CAMK4: variants seen among roughly 807,000 people sequenced by gnomAD.
CAMK4 encodes calcium/calmodulin dependent protein kinase IV.
Under a neutral mutation model 44.9 loss-of-function variants are expected in CAMK4, and 22 were observed. That is an observed-to-expected ratio of 0.49 (90% CI 0.35 to 0.70). CAMK4 has a LOEUF of 0.70. Among genes scored for constraint, CAMK4 ranks in the 30% least tolerant of loss-of-function variants. The pLI is 0.01. For missense variants in CAMK4, 498 were observed against 586.8 expected, an observed-to-expected ratio of 0.85 and a Z score of 1.56; for synonymous variants, 218 against 215.4, an observed-to-expected ratio of 1.01 and a Z score of -0.11.
intron 5 of CAMK4, among the ~76,000 whole-genome samples, chr5:111,406,716 A>G (rs1390795070): frequency 2.0e-5 from 3 of 152,146 alleles, no homozygotes; most frequent in Non-Finnish European, 2.9e-5. Context: ...CGCAAGACAC[A>G]GTCTCTTTCT....
intron 8 of CAMK4, among the ~76,000 whole-genome samples, chr5:111,475,372 G>A (rs557592705): frequency 1.3e-5 from 2 of 152,232 alleles, no homozygotes; most frequent in Admixed American, 6.5e-5. Flanking sequence ...AACTTGGAGA[G>A]ATGGAAGTAG....
At chr5:111,260,297 A>T in intron 1 of CAMK4, among the ~76,000 whole-genome samples, 1 of 152,198 alleles carries the variant, frequency 6.6e-6, no homozygotes, top group East Asian at 1.9e-4. Context: ...TCCTTACATT[A>T]GTCAATATCT....
chr5:111,451,348 A>AT (rs1251836193), intron 7 of CAMK4, among the ~76,000 whole-genome samples: 1 of 152,026 alleles, frequency 6.6e-6, no homozygotes, highest in Non-Finnish European at 1.5e-5. Context: ...ATATATATAT[A>AT]TTTTTTGAGA....
intron 7 of CAMK4, among the ~76,000 whole-genome samples, chr5:111,456,935 C>G (rs182603256): frequency 1.3e-5 from 2 of 152,326 alleles, no homozygotes; most frequent in Non-Finnish European, 2.9e-5. Context: ...CCTCAGTGAT[C>G]AGACACTGAA....
intron 1 of CAMK4, among the ~76,000 whole-genome samples, chr5:111,255,356 A>C (rs1749695133): frequency 1.3e-5 from 2 of 152,208 alleles, no homozygotes; most frequent in South Asian, 4.1e-4. Flanking sequence ...TTACAAACAG[A>C]AAGTGTTTTC....
chr5:111,270,289 C>A (rs1419679355), intron 1 of CAMK4, among the ~76,000 whole-genome samples: 3 of 152,186 alleles, frequency 2.0e-5, no homozygotes, highest in Non-Finnish European at 4.4e-5. Flanking sequence ...AAGGCTTTCA[C>A]CATCCTATCT....
At position 111,251,116 on chromosome 5, in the gene CAMK4, C is replaced by T. The variant is rs140870880; in HGVS notation, c.161+26472C>T. Among the ~76,000 whole-genome samples the T allele has an allele frequency of 2.8e-3, 427 of 152,262 alleles. 4 individuals are homozygous for T. The highest frequency in any genetic ancestry group is 9.6e-3 in the African/African-American group (399 of 41,532). ...GACATTGCTGTATCTGTTAGAGTTG[C>T]GTAGCTGTATTTTGTGTTATCCACT... On this transcript the variant is annotated intron_variant, in intron 1 of 10. Transcript: ENST00000282356.
chr5:111,326,335 A>G (rs1264261721), intron 1 of CAMK4, among the ~76,000 whole-genome samples: 1 of 152,000 alleles, frequency 6.6e-6, no homozygotes, highest in Non-Finnish European at 1.5e-5. Context: ...GGGCTAATAC[A>G]TTCAACAAAC....
At chr5:111,251,742 G>C (rs1044435828) in intron 1 of CAMK4, among the ~76,000 whole-genome samples, 2 of 152,158 alleles carry the variant, frequency 1.3e-5, no homozygotes, top group African/African-American at 4.8e-5. Context: ...ATGAGAATGT[G>C]ATACAGAGCT....
At chr5:111,244,471 A>G (rs760711427) in intron 1 of CAMK4, among the ~76,000 whole-genome samples, 2 of 152,226 alleles carry the variant, frequency 1.3e-5, no homozygotes, top group Non-Finnish European at 2.9e-5. Flanking sequence ...TCTATGAGTG[A>G]TTTGGGGCTG....
intron 4 of CAMK4, among the ~76,000 whole-genome samples, chr5:111,389,677 C>T (rs148172449): frequency 2.4e-4 from 36 of 152,312 alleles, no homozygotes; most frequent in Middle Eastern, 3.4e-3. Context: ...GGGGAAAATC[C>T]ACACTGTTTG....
At chr5:111,278,584 A>C (rs934639599) in intron 1 of CAMK4, among the ~76,000 whole-genome samples, 1 of 152,258 alleles carries the variant, frequency 6.6e-6, no homozygotes, top group Non-Finnish European at 1.5e-5. Context: ...GAGTAAATGC[A>C]ATGCACCAGG....
intron 7 of CAMK4, among the ~76,000 whole-genome samples, chr5:111,459,007 G>A (rs1462996962): frequency 2.0e-5 from 3 of 152,204 alleles, no homozygotes; most frequent in Non-Finnish European, 4.4e-5. Flanking sequence ...ATGTCTGTTA[G>A]ATATCCAAGT....
At chr5:111,250,467 T>C (rs1749437343) in intron 1 of CAMK4, among the ~76,000 whole-genome samples, 1 of 152,190 alleles carries the variant, frequency 6.6e-6, no homozygotes, top group Non-Finnish European at 1.5e-5. Flanking sequence ...GCTGGTAACA[T>C]GTATTTTGCT....
At chr5:111,251,542 G>A (rs1411447218) in intron 1 of CAMK4, among the ~76,000 whole-genome samples, 1 of 152,182 alleles carries the variant, frequency 6.6e-6, no homozygotes, top group Admixed American at 6.5e-5. Context: ...AGGCAGAGCT[G>A]GGCCAGTTAC....
At chr5:111,399,793 G>A (rs1002788368) in intron 5 of CAMK4, among the ~76,000 whole-genome samples, 10 of 152,096 alleles carry the variant, frequency 6.6e-5, no homozygotes, top group African/African-American at 1.9e-4. Flanking sequence ...CACCTTCCTC[G>A]GTATGTTCTT....
chr5:111,461,117 G>C (rs565713878), intron 7 of CAMK4, among the ~76,000 whole-genome samples: 6 of 152,288 alleles, frequency 3.9e-5, no homozygotes, highest in South Asian at 2.1e-4. Context: ...GAAAGAGTGA[G>C]TTAGAACATA....
intron 4 of CAMK4, among the ~76,000 whole-genome samples, chr5:111,380,096 A>G (rs1185632200): frequency 6.6e-6 from 1 of 152,142 alleles, no homozygotes; most frequent in Non-Finnish European, 1.5e-5. Flanking sequence ...TCATTGAATT[A>G]TTGAAATGGA....
At chr5:111,301,633 TA>T (rs1227903836) in intron 1 of CAMK4, among the ~76,000 whole-genome samples, 1 of 152,184 alleles carries the variant, frequency 6.6e-6, no homozygotes, top group Non-Finnish European at 1.5e-5. Flanking sequence ...CTGGATAACA[TA>T]AAATAATAAA....
Sources: gnomAD v4.1 joint callset for allele counts (sites outside exome capture counted in the v4.1 genomes callset) on GRCh38, gnomAD v4.1.1 for gene constraint, MANE v1.5 for transcripts, NCBI Gene and HGNC (gene_info 2026-07-23, HGNC 2026-07-21) for gene names.